The following SPOCK1 variants were observed in gnomAD, a reference collection of about 807,000 sequenced individuals.
The protein encoded by SPOCK1 is SPARC (osteonectin), cwcv and kazal like domains proteoglycan 1, also known as testican-1.
In SPOCK1, 23 loss-of-function variants were observed where a neutral mutation model predicts 55.3. That is an observed-to-expected ratio of 0.42 (90% CI 0.30 to 0.59). The LOEUF is 0.59. SPOCK1 is among the 20% of genes least tolerant of loss of function. The probability of loss-of-function intolerance (pLI) is 0.22; values close to 1 mark genes in which losing one functional copy is unlikely to be tolerated. For missense variants in SPOCK1, 499 were observed against 552.5 expected (o/e 0.90, Z 0.97); for synonymous variants, 226 against 221.0 (o/e 1.02, Z -0.20).
chr5:137,242,029 C>T (rs982396637), intron 3 of SPOCK1, among the ~76,000 whole-genome samples: 11 of 152,162 alleles, frequency 7.2e-5, no homozygotes, highest in African/African-American at 1.4e-4. Flanking sequence ...TTCAAAGACT[C>T]ATTAACAGAG....
At chr5:137,010,867 G>A (rs1022928556) in intron 6 of SPOCK1, among the ~76,000 whole-genome samples, 2 of 152,118 alleles carry the variant, frequency 1.3e-5, no homozygotes, top group Non-Finnish European at 2.9e-5. Flanking sequence ...CCTTAGCTTA[G>A]CCTGGTAGCA....
At chr5:137,016,345 G>A (rs751258779) in intron 6 of SPOCK1, among the ~76,000 whole-genome samples, 1 of 152,222 alleles carries the variant, frequency 6.6e-6, no homozygotes, top group Non-Finnish European at 1.5e-5. Flanking sequence ...GAGCACAGCA[G>A]AAAGTGGGTA....
intron 3 of SPOCK1, among the ~76,000 whole-genome samples, chr5:137,149,238 A>T (rs1273275202): frequency 6.6e-6 from 1 of 152,232 alleles, no homozygotes; most frequent in Admixed American, 6.5e-5. Flanking sequence ...AGATGCATGA[A>T]GCCCAGCGCA....
At chr5:137,024,632 A>C (rs910462114) in intron 6 of SPOCK1, among the ~76,000 whole-genome samples, 104 of 152,116 alleles carry the variant, frequency 6.8e-4, no homozygotes, top group African/African-American at 2.5e-3. Flanking sequence ...AAAGTAGAAG[A>C]ACCACAAAGC....
intron 2 of SPOCK1, among the ~76,000 whole-genome samples, chr5:137,434,480 C>CTTTTTTTTTTTTTTTTTTTTT (rs146762668): frequency 1.5e-4 from 10 of 68,192 alleles, no homozygotes; most frequent in African/African-American, 3.0e-4. Flanking sequence ...TCTTTTTTTT[C>CTTTTTTTTTTTTTTTTTTTTT]TTTTTTTTTT....
intron 2 of SPOCK1, among the ~76,000 whole-genome samples, chr5:137,454,694 T>C (rs890698478): frequency 9.2e-5 from 14 of 152,218 alleles, no homozygotes; most frequent in African/African-American, 3.4e-4. Context: ...AGTTACATGA[T>C]TGGCATGATG....
At chr5:137,160,798 T>C (rs2127051686) in intron 3 of SPOCK1, among the ~76,000 whole-genome samples, 1 of 141,702 alleles carries the variant, frequency 7.1e-6, no homozygotes, top group Admixed American at 7.8e-5. Context: ...ACAGTCACTA[T>C]GGAAAACAGT....
At chr5:137,397,887 G>A (rs979063534) in intron 2 of SPOCK1, among the ~76,000 whole-genome samples, 2 of 152,150 alleles carry the variant, frequency 1.3e-5, no homozygotes, top group Admixed American at 1.3e-4. Context: ...ACAGAGGCCA[G>A]CACTACACTC....
chr5:137,080,790 C>T (rs1377895273), intron 5 of SPOCK1, among the ~76,000 whole-genome samples: 1 of 152,190 alleles, frequency 6.6e-6, no homozygotes, highest in African/African-American at 2.4e-5. Context: ...AAGAAAACTA[C>T]AGAAAATCTA....
At chr5:137,360,947 C>T (rs564683138) in intron 2 of SPOCK1, among the ~76,000 whole-genome samples, 5 of 152,244 alleles carry the variant, frequency 3.3e-5, no homozygotes, top group African/African-American at 1.2e-4. Flanking sequence ...TGTTTGGGTT[C>T]CCTCCTAAAT....
At chr5:137,070,399 C>G (rs1287008462) in intron 5 of SPOCK1, among the ~76,000 whole-genome samples, 2 of 152,192 alleles carry the variant, frequency 1.3e-5, no homozygotes, top group Non-Finnish European at 2.9e-5. Context: ...AAGGCCTTAA[C>G]AGCAAGAAAA....
intron 6 of SPOCK1, among the ~76,000 whole-genome samples, chr5:137,016,972 A>C (rs967700615): frequency 6.6e-6 from 1 of 152,224 alleles, no homozygotes; most frequent in Non-Finnish European, 1.5e-5. Context: ...GCACATGTGG[A>C]GGCTGGAGCG....
chr5:137,101,813 T>C lies in SPOCK1; in HGVS notation c.474+10622A>G, dbSNP rs550482848. 1.8e-4 allele frequency among the ~76,000 whole-genome samples: 27 copies of C among 152,370 alleles called. No homozygotes were observed. The South Asian group carries it at 5.6e-3, about 32-fold the overall frequency. ...AAATGCTGGGAGAACTAAGGACAGA[T>C]GTGTCCCACGATCAGAAGAAAGTAT... On this transcript the variant is annotated intron_variant, in intron 5 of 10. Transcript: ENST00000394945.
chr5:137,054,780 AT>A (rs1309716802), intron 6 of SPOCK1, among the ~76,000 whole-genome samples: 2 of 152,208 alleles, frequency 1.3e-5, no homozygotes, highest in African/African-American at 4.8e-5. Flanking sequence ...CTCTAATTAA[AT>A]TTGTAACAGA....
At chr5:137,315,118 A>G (rs889084826) in intron 2 of SPOCK1, among the ~76,000 whole-genome samples, 1 of 152,206 alleles carries the variant, frequency 6.6e-6, no homozygotes, top group Non-Finnish European at 1.5e-5. Flanking sequence ...GGGAAAAAAA[A>G]TGGCAAAAGC....
intron 3 of SPOCK1, among the ~76,000 whole-genome samples, chr5:137,247,305 C>T (rs938174871): frequency 1.3e-5 from 2 of 152,108 alleles, no homozygotes; most frequent in African/African-American, 4.8e-5. Context: ...TGGAGGAGCT[C>T]TTCCAGGTCA....
chr5:137,430,080 G>T (rs1457331214), intron 2 of SPOCK1, among the ~76,000 whole-genome samples: 1 of 152,180 alleles, frequency 6.6e-6, no homozygotes, highest in African/African-American at 2.4e-5. Flanking sequence ...CCCCCAGGCA[G>T]CTGGTAAACA....
chr5:137,479,744 T>C (rs1753909750), intron 2 of SPOCK1, among the ~76,000 whole-genome samples: 2 of 152,326 alleles, frequency 1.3e-5, no homozygotes, highest in Admixed American at 1.3e-4. Context: ...ATGTGTGGCA[T>C]GAGAAGAAAC....
rs1220455054 is a variant in SPOCK1, at chr5:136,978,732, C to T, written c.1242G>A (p.Arg414=). The T allele has an allele frequency of 2.5e-6, 4 of 1,614,104 alleles. No homozygotes were observed. The South Asian group carries it at 4.4e-5, about 18-fold the overall frequency. The stretch of plus-strand genomic sequence containing the variant: ...CCTCTGTCACGGCTCGGGTGTGCAC[C>T]CTCAGCTTCCCCTCTTTGTCCTTTG... ...LGPKDKEGKL[R]VHTRAVTEDD... is the part of the protein sequence containing the mutation. The change falls in exon 11 of 11, where the codon AGG becomes AGA. Residue 414 remains arginine, a synonymous_variant. Transcript: ENST00000394945.
Sources: gnomAD v4.1 joint callset for allele counts (sites outside exome capture counted in the v4.1 genomes callset) on GRCh38, gnomAD v4.1.1 for gene constraint, MANE v1.5 for transcripts, NCBI Gene and HGNC (gene_info 2026-07-23, HGNC 2026-07-21) for gene names.